KCNH8: variants seen among roughly 807,000 people sequenced by gnomAD.
The protein encoded by KCNH8 is potassium voltage-gated channel subfamily H member 8, also known as voltage-gated delayed rectifier potassium channel KCNH8.
A neutral mutation model predicts 103.6 loss-of-function variants in KCNH8; 70 were observed. The ratio of observed to expected loss-of-function variants is 0.68; its 90% CI spans 0.56 to 0.82. KCNH8 has a LOEUF of 0.82. KCNH8 is among the 40% of genes least tolerant of loss of function. KCNH8 has a pLI of 0.00. For missense variants in KCNH8, 1,217 were observed against 1,329.9 expected (o/e 0.92, Z 1.32); for synonymous variants, 498 against 489.4 (o/e 1.02, Z -0.23).
intron 3 of KCNH8, among the ~76,000 whole-genome samples, chr3:19,324,399 A>G (rs1335626311): frequency 2.0e-5 from 3 of 152,194 alleles, no homozygotes; most frequent in Non-Finnish European, 4.4e-5. Flanking sequence ...AAACACTTAC[A>G]AAACCATCAG....
intron 11 of KCNH8, among the ~76,000 whole-genome samples, chr3:19,461,380 A>G (rs2067625351): frequency 6.6e-6 from 1 of 152,158 alleles, no homozygotes; most frequent in South Asian, 2.1e-4. Flanking sequence ...CCCCAAGCAT[A>G]CTGTGACTTT....
chr3:19,160,138 A>G (rs1480034370), intron 1 of KCNH8, among the ~76,000 whole-genome samples: 1 of 152,178 alleles, frequency 6.6e-6, no homozygotes, highest in Non-Finnish European at 1.5e-5. Flanking sequence ...GTCACTGACC[A>G]CATTAAAATC....
chr3:19,378,845 C>G (rs910312442), intron 5 of KCNH8, among the ~76,000 whole-genome samples: 6 of 152,182 alleles, frequency 3.9e-5, no homozygotes, highest in African/African-American at 1.4e-4. Flanking sequence ...GTAAAAAATT[C>G]TCCTTGCAAA....
intron 1 of KCNH8, among the ~76,000 whole-genome samples, chr3:19,229,653 G>A (rs2063970727): frequency 6.6e-6 from 1 of 152,220 alleles, no homozygotes; most frequent in South Asian, 2.1e-4. Context: ...GAGGGGCTGT[G>A]ACATGCCCTG....
intron 7 of KCNH8, among the ~76,000 whole-genome samples, chr3:19,405,583 C>A: frequency 6.6e-6 from 1 of 151,872 alleles, no homozygotes; most frequent in East Asian, 1.9e-4. Flanking sequence ...CAGGCATTAT[C>A]ATCGACGCTT....
chr3:19,419,206 T>G (rs548654247), intron 7 of KCNH8, among the ~76,000 whole-genome samples: 26 of 141,508 alleles, frequency 1.8e-4, no homozygotes, highest in East Asian at 8.2e-4. Context: ...TTTTTTTTTT[T>G]TTTTTTTTTT....
intron 15 of KCNH8, among the ~76,000 whole-genome samples, chr3:19,528,084 A>G (rs1439445050): frequency 2.0e-5 from 3 of 151,986 alleles, no homozygotes; most frequent in Non-Finnish European, 4.4e-5. Flanking sequence ...GAAGAATAAG[A>G]AGGAGAAGGG....
intron 5 of KCNH8, among the ~76,000 whole-genome samples, chr3:19,364,089 C>A (rs2065979604): frequency 1.3e-5 from 2 of 152,058 alleles, no homozygotes; most frequent in African/African-American, 2.4e-5. Context: ...TCTCTCCCTT[C>A]CTCTCTTCCT....
intron 11 of KCNH8, among the ~76,000 whole-genome samples, chr3:19,508,738 C>T (rs1242821723): frequency 1.3e-5 from 2 of 152,160 alleles, no homozygotes; most frequent in Admixed American, 1.3e-4. Flanking sequence ...TCAGACCTCC[C>T]ATGTCAGAAT....
In KCNH8 at chr3:19,533,838, G is replaced by A. The variant is rs141789900; in HGVS notation, c.3063G>A (p.Thr1021=). ...CTCCACATTCAGATTCTACGTTGAC[G>A]CCTCTGCAGTCCATTTCAGCAACTC... The part of the protein sequence containing the change: ...CISPHSDSTL[T]PLQSISATLS... The change falls in exon 16 of 16, where the codon ACG becomes ACA. Residue 1021 remains threonine (T), a synonymous_variant. Transcript: ENST00000328405. 7.0e-5 allele frequency: 113 copies of A among 1,613,988 alleles called. No individual in the cohort carries two copies. Among genetic ancestry groups the A allele is most frequent in the Non-Finnish European group, 8.4e-5 (99 of 1,180,016 alleles).
At chr3:19,284,005 A>C (rs1481428750) in intron 3 of KCNH8, among the ~76,000 whole-genome samples, 2 of 151,830 alleles carry the variant, frequency 1.3e-5, no homozygotes, top group East Asian at 3.9e-4. Context: ...AATGGAGAAA[A>C]ACACCTTAAA....
chr3:19,293,610 A>G (rs932016292), intron 3 of KCNH8, among the ~76,000 whole-genome samples: 9 of 152,192 alleles, frequency 5.9e-5, no homozygotes, highest in Admixed American at 1.3e-4. Context: ...GGCTTCCCCA[A>G]CCATCCAGAT....
At chr3:19,500,859 C>A (rs1349268098) in intron 11 of KCNH8, among the ~76,000 whole-genome samples, 2 of 152,014 alleles carry the variant, frequency 1.3e-5, no homozygotes, top group Admixed American at 6.6e-5. Context: ...CCTAACATGA[C>A]AATTAAAAGA....
At chr3:19,446,966 A>C (rs2067371805) in intron 8 of KCNH8, among the ~76,000 whole-genome samples, 1 of 152,020 alleles carries the variant, frequency 6.6e-6, no homozygotes, top group Non-Finnish European at 1.5e-5. Flanking sequence ...TACTGAGATG[A>C]GATTTTACAA....
chr3:19,493,503 GA>G (rs1264009033), intron 11 of KCNH8, among the ~76,000 whole-genome samples: 1 of 152,120 alleles, frequency 6.6e-6, no homozygotes, highest in African/African-American at 2.4e-5. Context: ...CACCATGCAA[GA>G]TGTGCCTGCT....
intron 4 of KCNH8, among the ~76,000 whole-genome samples, chr3:19,346,388 A>G (rs1339579192): frequency 6.6e-6 from 1 of 152,074 alleles, no homozygotes; most frequent in Non-Finnish European, 1.5e-5. Context: ...TATGAAACAT[A>G]GATGCAGTGG....
At chr3:19,345,189 G>C (rs567029222) in intron 4 of KCNH8, among the ~76,000 whole-genome samples, 1 of 152,040 alleles carries the variant, frequency 6.6e-6, no homozygotes, top group Non-Finnish European at 1.5e-5. Context: ...TGATGCAAAT[G>C]TTTTCAACAC....
chr3:19,486,055 G>A (rs1047733074), intron 11 of KCNH8, among the ~76,000 whole-genome samples: 1 of 152,202 alleles, frequency 6.6e-6, no homozygotes. Context: ...TGTGGCAATG[G>A]TTTGGCTTCA....
intron 1 of KCNH8, among the ~76,000 whole-genome samples, chr3:19,156,982 TAAAAAAAAGG>T (rs2063187189): frequency 6.7e-6 from 1 of 149,768 alleles, no homozygotes; most frequent in African/African-American, 2.5e-5. Context: ...TTTTTTTTTT[TAAAAAAAAGG>T]TTTTCTTTTG....
Sources: gnomAD v4.1 joint callset for allele counts (sites outside exome capture counted in the v4.1 genomes callset) on GRCh38, gnomAD v4.1.1 for gene constraint, MANE v1.5 for transcripts, NCBI Gene and HGNC (gene_info 2026-07-23, HGNC 2026-07-21) for gene names.